Variants in DNAH12 observed in about 807,000 individuals in gnomAD.
DNAH12 encodes dynein axonemal heavy chain 12.
Under a neutral mutation model 371.5 loss-of-function variants are expected in DNAH12, and 285 were observed. The observed-to-expected ratio is 0.77, with a 90% confidence interval of 0.70 to 0.85. The LOEUF (loss-of-function observed/expected upper bound fraction) is 0.85. Ranked by LOEUF, DNAH12 falls within the 40% of genes least tolerant of loss-of-function variation. The pLI, the probability that DNAH12 is intolerant of heterozygous loss-of-function variation, is 0.00. For missense variants in DNAH12, 3,611 were observed against 3,689.4 expected, an observed-to-expected ratio of 0.98 and a Z score of 0.55; for synonymous variants, 1,200 against 1,213.0, an observed-to-expected ratio of 0.99 and a Z score of 0.22.
At chr3:57,462,657 A>T (rs937022612) in intron 18 of DNAH12, 33 bp downstream of exon 18, 1 of 1,532,478 alleles carries the variant, frequency 6.5e-7, no homozygotes, top group Admixed American at 2.1e-5. Context: ...CGAAGTCATC[A>T]CATAAAGTAT....
At chr3:57,331,768 C>T (rs773348037) in intron 62 of DNAH12, among the ~76,000 whole-genome samples, 26 of 152,056 alleles carry the variant, frequency 1.7e-4, no homozygotes, top group Non-Finnish European at 3.2e-4. Context: ...ACAGGCTCCT[C>T]TGAACCCCTT....
chr3:57,405,552 A>C (rs2063997479), intron 41 of DNAH12, 101 bp downstream of exon 41: 6 of 1,268,280 alleles, frequency 4.7e-6, no homozygotes, highest in East Asian at 5.1e-5. Flanking sequence ...ATGCTAAAAG[A>C]ATATGTTCAT....
chr3:57,508,691 T>C (rs1203789760), intron 6 of DNAH12, 151 bp from the exon 7 acceptor site: 3 of 798,474 alleles, frequency 3.8e-6, no homozygotes, highest in East Asian at 2.9e-5. Flanking sequence ...CCTTAAGATA[T>C]ATGCATTTAA....
chr3:57,349,095 T>C (rs1163391169), intron 60 of DNAH12, among the ~76,000 whole-genome samples: 1 of 152,094 alleles, frequency 6.6e-6, no homozygotes. Context: ...AAAGGATTAA[T>C]ATCCAGAATC....
chr3:57,349,292 C>T (rs1040011016), intron 60 of DNAH12, among the ~76,000 whole-genome samples: 4 of 152,136 alleles, frequency 2.6e-5, no homozygotes, highest in Non-Finnish European at 2.9e-5. Context: ...ACCTCACTCC[C>T]GCAGGAATGG....
rs1347706050 is a variant in DNAH12, at chr3:57,504,019, CA to C, written c.1082del (p.Leu361ArgfsTer18). Reference protein sequence around the residue: ...LSLVERIAEALQNVQTIPSWL... With the variant: ...LSLVERIAEAXQNVQTIPSWL... ...CCGATGGGTAAAGATGTAATACCTG[CA>C]GAGCTTCGGCTATTCGTTCCACCAA... On this transcript the variant is annotated frameshift_variant, in exon 9 of 74. Transcript: ENST00000495027. LOFTEE classifies it high-confidence loss of function. 9 of 1,610,988 alleles carry C rather than the reference CA, an allele frequency of 5.6e-6. No individual in the cohort carries two copies. Among genetic ancestry groups the C allele is most frequent in the African/African-American group, 4.0e-5 (3 of 74,788 alleles).
At chr3:57,431,284 A>G (rs2064948305) in intron 32 of DNAH12, among the ~76,000 whole-genome samples, 1 of 152,142 alleles carries the variant, frequency 6.6e-6, no homozygotes, top group Non-Finnish European at 1.5e-5. Context: ...TCCTTGGGAC[A>G]TGGCCTAATC....
At chr3:57,498,544 A>C (rs2067395158) in intron 11 of DNAH12, 1 of 716,998 alleles carries the variant, frequency 1.4e-6, no homozygotes, top group Non-Finnish European at 2.6e-6. Flanking sequence ...AGCTCCTAGA[A>C]AGAGAAATGA....
At chr3:57,436,700 AG>A (rs1462083063) in intron 30 of DNAH12, among the ~76,000 whole-genome samples, 1 of 152,136 alleles carries the variant, frequency 6.6e-6, no homozygotes, top group African/African-American at 2.4e-5. Flanking sequence ...GGAAGGGAAG[AG>A]TGTGTTTTTA....
intron 2 of DNAH12, among the ~76,000 whole-genome samples, chr3:57,528,726 C>CAA (rs1387052838): frequency 3.8e-4 from 46 of 120,550 alleles, no homozygotes; most frequent in African/African-American, 1.1e-3. Flanking sequence ...AACTCTGTCT[C>CAA]AAAAAAAAAA....
rs191113087 is a variant in DNAH12, at chr3:57,431,034, G to A, written c.4981-1260C>T. Among the ~76,000 whole-genome samples, 9 of 152,332 alleles carry A rather than the reference G, an allele frequency of 5.9e-5. No individual in the cohort carries two copies. In the East Asian group the frequency reaches 1.7e-3, roughly 29 times the overall value. On this transcript the variant is annotated intron_variant, in intron 32 of 73. Coordinates refer to ENST00000495027, the MANE Select transcript of DNAH12 (RefSeq NM_001366028.2). ...AGTAGCTACCTTCTCAGAGAACACA[G>A]ATAGTTGCAGTATTGTAAAAAGTTC...
chr3:57,502,047 C>T (rs952340536), intron 10 of DNAH12, among the ~76,000 whole-genome samples: 1 of 152,036 alleles, frequency 6.6e-6, no homozygotes, highest in Admixed American at 6.5e-5. Context: ...GCCGGGACTA[C>T]AGGCGCCCGC....
rs1559686186 is a variant in DNAH12, at chr3:57,461,616, T to TA, written c.2608dup (p.Tyr870LeufsTer3). ...AAGAATACAGACTCCAGTGTCACGATACAGACTTATATGAAAAGCAATATC... is the reference window on the plus strand; with the variant it reads ...AAGAATACAGACTCCAGTGTCACGATAACAGACTTATATGAAAAGCAATATC... On this transcript the variant is annotated frameshift_variant, in exon 19 of 74. Transcript: ENST00000495027. LOFTEE classifies it high-confidence loss of function. 2.6e-6 allele frequency: 4 copies of TA among 1,551,346 alleles called. No homozygotes were observed. The highest frequency in any genetic ancestry group is 3.5e-6 in the Non-Finnish European group (4 of 1,146,840).
chr3:57,459,622 A>G lies in DNAH12; in HGVS notation c.2901T>C (p.Asp967=). 2 of 1,517,844 alleles carry G rather than the reference A, an allele frequency of 1.3e-6. No individual in the cohort carries two copies. The highest frequency in any genetic ancestry group is 8.9e-7 in the Non-Finnish European group (1 of 1,125,356). 94.0% of individuals were successfully genotyped at this position (1,517,844 alleles called of 1,614,324 possible). ...GATCTTTAGCACAAAACTTCATGAT[A>G]TCTCTCCAGTGTCTGTCTACTGTCT... The part of the protein sequence containing the change: ...QFQTVDRHWR[D]IMKFCAKDPK... The change falls in exon 20 of 74, where the codon GAT becomes GAC. Residue 967 remains aspartate (D), a synonymous_variant. Coordinates refer to ENST00000495027, the MANE Select transcript of DNAH12 (RefSeq NM_001366028.2).
At chr3:57,346,097 T>TGC (rs1357214621) in intron 60 of DNAH12, among the ~76,000 whole-genome samples, 1 of 152,194 alleles carries the variant, frequency 6.6e-6, no homozygotes, top group African/African-American at 2.4e-5. Context: ...ATGATGGATA[T>TGC]GCTCATTACC....
chr3:57,356,189 C>T (rs1466160867), intron 59 of DNAH12, among the ~76,000 whole-genome samples: 3 of 152,078 alleles, frequency 2.0e-5, no homozygotes, highest in Non-Finnish European at 4.4e-5. Flanking sequence ...CTCCTGTAAT[C>T]TCAGCACTTA....
rs2065796178 is a variant in DNAH12, at chr3:57,452,901, A to G, written c.3728T>C (p.Leu1243Pro). The G allele has an allele frequency of 1.3e-6, 2 of 1,551,196 alleles. No individual in the cohort carries two copies. The highest frequency in any genetic ancestry group is 1.7e-6 in the Non-Finnish European group (2 of 1,146,914). ...NCNVKYAYEY[L>P]GNSPRLVITP... ...AATGACAAGTCGAGGTGAGTTACCA[A>G]GATATTCATAAGCATATTTTACATT... is the stretch of plus-strand genomic sequence containing the variant. The change falls in exon 25 of 74, where the codon CTT becomes CCT. Residue 1243 changes from leucine to proline, a missense_variant. By Grantham distance (98) the Leu-to-Pro change is moderately conservative. Transcript: ENST00000495027.
intron 60 of DNAH12, among the ~76,000 whole-genome samples, chr3:57,343,434 T>TG: frequency 6.6e-6 from 1 of 152,344 alleles, no homozygotes; most frequent in Non-Finnish European, 1.5e-5. Flanking sequence ...GTTAACAAAA[T>TG]GTTTACAAGC....
chr3:57,526,421 T>A (rs1299496547), intron 2 of DNAH12, among the ~76,000 whole-genome samples: 1 of 152,070 alleles, frequency 6.6e-6, no homozygotes, highest in African/African-American at 2.4e-5. Context: ...TTTGTTTTAT[T>A]TTTTTTAGGT....
Sources: allele counts gnomAD v4.1 joint callset (sites outside exome capture counted in the v4.1 genomes callset), GRCh38; gene constraint gnomAD v4.1.1; transcripts MANE v1.5; gene names NCBI Gene and HGNC (gene_info 2026-07-23, HGNC 2026-07-21).